SLIRP: variants seen among roughly 807,000 people sequenced by gnomAD.
SLIRP encodes the protein SRA stem-loop interacting RNA binding protein.
SLIRP carries 12 observed loss-of-function variants against 13.4 expected under a neutral mutation model. The observed-to-expected ratio is 0.89, with a 90% confidence interval of 0.57 to 1.45. The LOEUF (loss-of-function observed/expected upper bound fraction) is 1.45. SLIRP is among the 40% of genes most tolerant of loss of function. The probability of loss-of-function intolerance (pLI) is 0.00; values close to 1 mark genes in which losing one functional copy is unlikely to be tolerated. For synonymous variants in SLIRP, 55 were observed against 47.1 expected, an observed-to-expected ratio of 1.17 and a Z score of -0.69; for missense variants, 154 against 132.2, an observed-to-expected ratio of 1.17 and a Z score of -0.81.
chr14:77,712,233 A>ATTTT (rs2080445896), intron 2 of SLIRP, among the ~76,000 whole-genome samples: 1 of 151,624 alleles, frequency 6.6e-6, no homozygotes, highest in Non-Finnish European at 1.5e-5. Flanking sequence ...AACTGGGGAA[A>ATTTT]AAGACTGACT....
At chr14:77,717,344 A>C in intron 3 of SLIRP, 152 bp from the exon 4 acceptor site, 2 of 681,838 alleles carry the variant, frequency 2.9e-6, no homozygotes, top group Admixed American at 5.4e-5. Context: ...AAGATGGTAA[A>C]AGGAATTTGA....
intron 3 of SLIRP, 132 bp from the exon 4 acceptor site, chr14:77,717,364 G>A (rs1236491483): frequency 5.3e-6 from 4 of 747,950 alleles, no homozygotes; most frequent in Non-Finnish European, 6.8e-6. Context: ...AGGAGAAAAC[G>A]AAAGAACAAG....
At chr14:77,711,010 T>C (rs2080436073) in intron 2 of SLIRP, 114 bp downstream of exon 2, 1 of 886,166 alleles carries the variant, frequency 1.1e-6, no homozygotes, top group African/African-American at 1.7e-5. Flanking sequence ...CAATAATAAT[T>C]GTACATTTTA....
intron 2 of SLIRP, among the ~76,000 whole-genome samples, chr14:77,712,634 T>C (rs866048349): frequency 2.6e-5 from 4 of 152,042 alleles, no homozygotes; most frequent in Admixed American, 2.0e-4. Context: ...TTAGTAGAGA[T>C]GGAGTTTCGC....
At chr14:77,710,314 A>G (rs1448693157) in intron 1 of SLIRP, among the ~76,000 whole-genome samples, 3 of 152,114 alleles carry the variant, frequency 2.0e-5, no homozygotes. Context: ...GAGGGGAGAG[A>G]ACAACATATG....
chr14:77,711,210 TATATAA>T (rs2080437916), intron 2 of SLIRP, among the ~76,000 whole-genome samples: 1 of 119,422 alleles, frequency 8.4e-6, no homozygotes, highest in South Asian at 2.2e-4. Context: ...CATATTTATA[TATATAA>T]ATATATAAAT....
chr14:77,711,244 T>C (rs1236905480), intron 2 of SLIRP, among the ~76,000 whole-genome samples: 2 of 147,970 alleles, frequency 1.4e-5, no homozygotes, highest in African/African-American at 2.5e-5. Context: ...CCTAATAATA[T>C]ATAAATATAT....
intron 1 of SLIRP, among the ~76,000 whole-genome samples, chr14:77,708,947 G>C (rs576725671): frequency 6.6e-6 from 1 of 152,260 alleles, no homozygotes; most frequent in South Asian, 2.1e-4. Flanking sequence ...AGTTAGTATG[G>C]GAAAAGGGCT....
chr14:77,708,078 C>A (rs763334629), upstream of SLIRP: 9 of 1,610,312 alleles, frequency 5.6e-6, no homozygotes, highest in Non-Finnish European at 7.6e-6. Flanking sequence ...TCCGGGGCCG[C>A]GACCTCGGCT....
At chr14:77,717,261 T>TA (rs1218301969) in intron 3 of SLIRP, among the ~76,000 whole-genome samples, 1 of 152,240 alleles carries the variant, frequency 6.6e-6, no homozygotes, top group Non-Finnish European at 1.5e-5. Context: ...ATGCTGGCAT[T>TA]ACAGGCCTGA....
Position 77,716,065 on chromosome 14 carries a change from C to G in SLIRP, c.264+186C>G, listed in dbSNP as rs545898196. On this transcript the variant is annotated intron_variant, in intron 3 of 3. Transcript: ENST00000557342. ...GGCACGGTGGCTCACGCCTGTAATC[C>G]CAGCACTTTGGGAGGCCGAGGCGGG... 3.1e-3 allele frequency: 1,520 copies of G among 489,542 alleles called. 16 individuals are homozygous for G. The highest frequency in any genetic ancestry group is 0.028 in the African/African-American group (1,386 of 49,640). 30.3% of individuals were successfully genotyped at this position (489,542 alleles called of 1,614,324 possible).
rs574127304 is a variant in SLIRP, at chr14:77,708,333, A to G, written c.97+125A>G. On this transcript the variant is annotated intron_variant, in intron 1 of 3. Transcript: ENST00000557342. The stretch of plus-strand genomic sequence containing the variant: ...TTAGGAGACTGCTCCTGAGCATGCA[A>G]GTGAGCAGAAAGAAATTTTGTTTGC... 4.7e-4 allele frequency: 435 copies of G among 930,164 alleles called. 7 individuals carry two copies. In the South Asian group the frequency reaches 6.4e-3, roughly 14 times the overall value. The allele number at this position is 930,164 out of a possible 1,614,324, so 57.6% of individuals were successfully genotyped here. A position where few individuals can be genotyped will look rare whatever the true frequency, so the allele number is the denominator to read the frequency against.
At chr14:77,715,055 C>T (rs951612624) in intron 2 of SLIRP, among the ~76,000 whole-genome samples, 3 of 152,108 alleles carry the variant, frequency 2.0e-5, no homozygotes, top group Non-Finnish European at 2.9e-5. Context: ...ATTAGGAACA[C>T]GTGATGATAG....
chr14:77,715,170 C>G (rs1034568022), intron 2 of SLIRP, among the ~76,000 whole-genome samples: 19 of 151,814 alleles, frequency 1.3e-4, no homozygotes, highest in African/African-American at 4.6e-4. Context: ...GAGTACTGAT[C>G]AAAATTTCCC....
At position 77,710,253 on chromosome 14, in the gene SLIRP, T is replaced by C. The variant is rs78809209; in HGVS notation, c.98-585T>C. On this transcript the variant is annotated intron_variant, in intron 1 of 3. Transcript: ENST00000557342. ...TGTACTTGGTTTGGGTCTTGAAGGATAGTTATAGTGTTACAAGTTAGCCAG... is the reference window on the plus strand; with the variant it reads ...TGTACTTGGTTTGGGTCTTGAAGGACAGTTATAGTGTTACAAGTTAGCCAG... Among the ~76,000 whole-genome samples, 1,165 of 152,244 alleles carry C rather than the reference T, an allele frequency of 7.7e-3. 10 individuals are homozygous for C. The highest frequency in any genetic ancestry group is 0.027 in the African/African-American group (1,110 of 41,542).
At chr14:77,710,730 C>G in intron 1 of SLIRP, 108 bp from the exon 2 acceptor site, 1 of 1,579,252 alleles carries the variant, frequency 6.3e-7, no homozygotes, top group Non-Finnish European at 8.6e-7. Flanking sequence ...TAAGGAAATG[C>G]AAAGTAGTTC....
At chr14:77,711,542 T>C (rs1021646877) in intron 2 of SLIRP, among the ~76,000 whole-genome samples, 1 of 151,928 alleles carries the variant, frequency 6.6e-6, no homozygotes, top group Admixed American at 6.6e-5. Flanking sequence ...CTGTCCAGAC[T>C]GGAAAATTTT....
intron 3 of SLIRP, 101 bp from the exon 4 acceptor site, chr14:77,717,395 G>T: frequency 1.0e-6 from 1 of 956,298 alleles, no homozygotes; most frequent in Non-Finnish European, 1.6e-6. Context: ...AAACTGCCTG[G>T]GTTATTCATT....
At chr14:77,712,440 ATTTTT>A (rs55773743) in intron 2 of SLIRP, among the ~76,000 whole-genome samples, 10 of 87,158 alleles carry the variant, frequency 1.1e-4, no homozygotes, top group Non-Finnish European at 1.1e-4. Context: ...CGACCGGCTA[ATTTTT>A]TTTTTTTTTT....
Sources: gnomAD v4.1 joint callset for allele counts (sites outside exome capture counted in the v4.1 genomes callset) on GRCh38, gnomAD v4.1.1 for gene constraint, MANE v1.5 for transcripts, NCBI Gene and HGNC (gene_info 2026-07-23, HGNC 2026-07-21) for gene names.